Variants in FARS2 observed in about 807,000 individuals in gnomAD.
FARS2 encodes the protein phenylalanine--tRNA ligase, mitochondrial.
In FARS2, 40 loss-of-function variants were observed where a neutral mutation model predicts 46.4. That is an observed-to-expected ratio of 0.86 (90% CI 0.67 to 1.12). FARS2 has a LOEUF of 1.12. Among genes scored for constraint, FARS2 ranks in the 50% most tolerant of loss-of-function variants. FARS2 has a pLI of 0.00. For synonymous variants in FARS2, 234 were observed against 214.9 expected, an observed-to-expected ratio of 1.09 and a Z score of -0.78; for missense variants, 513 against 567.9, an observed-to-expected ratio of 0.90 and a Z score of 0.98.
intron 6 of FARS2, among the ~76,000 whole-genome samples, chr6:5,747,841 A>G (rs919781347): frequency 6.6e-6 from 1 of 152,180 alleles, no homozygotes; most frequent in African/African-American, 2.4e-5. Flanking sequence ...TGAGTTGTCA[A>G]CCCATTTTTT....
intron 1 of FARS2, among the ~76,000 whole-genome samples, chr6:5,297,631 A>G (rs1767985762): frequency 6.6e-6 from 1 of 151,134 alleles, no homozygotes; most frequent in Non-Finnish European, 1.5e-5. Context: ...CCGGGCAACA[A>G]GGGTGAAACT....
chr6:5,591,433 T>C (rs1194165617), intron 5 of FARS2, among the ~76,000 whole-genome samples: 1 of 152,228 alleles, frequency 6.6e-6, no homozygotes, highest in African/African-American at 2.4e-5. Flanking sequence ...TGTTGGATTC[T>C]GTGGGGAAGA....
At chr6:5,658,544 A>G (rs572219429) in intron 6 of FARS2, among the ~76,000 whole-genome samples, 27 of 152,300 alleles carry the variant, frequency 1.8e-4, no homozygotes, top group Admixed American at 4.6e-4. Flanking sequence ...CATAAACTAC[A>G]TTACATGTCT....
intron 5 of FARS2, among the ~76,000 whole-genome samples, chr6:5,567,738 A>T (rs1215655156): frequency 1.3e-5 from 2 of 152,238 alleles, no homozygotes; most frequent in Admixed American, 1.3e-4. Context: ...AGTCAAATCC[A>T]TCCCCAACAT....
intron 6 of FARS2, among the ~76,000 whole-genome samples, chr6:5,726,153 T>G (rs1484640531): frequency 6.6e-6 from 1 of 152,086 alleles, no homozygotes; most frequent in Non-Finnish European, 1.5e-5. Flanking sequence ...ACCTGGCTCT[T>G]TTTTTCTTTT....
chr6:5,352,237 G>T (rs969095073), intron 1 of FARS2, among the ~76,000 whole-genome samples: 6 of 150,692 alleles, frequency 4.0e-5, no homozygotes, highest in Non-Finnish European at 7.4e-5. Flanking sequence ...GAAGCCAAAA[G>T]ATTGGACACT....
chr6:5,561,138 A>AAAAC (rs1025151143), intron 5 of FARS2, among the ~76,000 whole-genome samples: 3 of 152,182 alleles, frequency 2.0e-5, no homozygotes, highest in Non-Finnish European at 2.9e-5. Context: ...CTCAAAAACA[A>AAAAC]AAACAAACAA....
intron 4 of FARS2, among the ~76,000 whole-genome samples, chr6:5,544,522 T>C (rs1417337228): frequency 6.6e-6 from 1 of 152,206 alleles, no homozygotes; most frequent in Non-Finnish European, 1.5e-5. Flanking sequence ...ACTGCCTCAG[T>C]TTGTGAAGTA....
At chr6:5,295,848 C>T (rs1017348702) in intron 1 of FARS2, among the ~76,000 whole-genome samples, 19 of 152,142 alleles carry the variant, frequency 1.2e-4, no homozygotes, top group African/African-American at 4.6e-4. Flanking sequence ...AATGTTTTGT[C>T]GCAGAAGGTA....
chr6:5,260,974 G>A (rs1765064587), upstream of FARS2: 1 of 1,224,548 alleles, frequency 8.2e-7, no homozygotes, highest in Non-Finnish European at 1.0e-6. Flanking sequence ...GGGCGGTGCT[G>A]GGAGGGAGAT....
At chr6:5,619,851 C>T (rs1378991511) in intron 6 of FARS2, among the ~76,000 whole-genome samples, 2 of 152,036 alleles carry the variant, frequency 1.3e-5, no homozygotes, top group Non-Finnish European at 2.9e-5. Flanking sequence ...CATTCATTTT[C>T]ACTTTGTCAA....
At chr6:5,771,260 G>A (rs373806299) in intron 6 of FARS2, 31 bp from the exon 7 acceptor site, 43 of 1,613,196 alleles carry the variant, frequency 2.7e-5, no homozygotes, top group African/African-American at 5.3e-5. Flanking sequence ...TGTTCATCCC[G>A]CACTCACCTG....
intron 6 of FARS2, among the ~76,000 whole-genome samples, chr6:5,731,251 C>T (rs1760605440): frequency 6.6e-6 from 1 of 152,072 alleles, no homozygotes; most frequent in African/African-American, 2.4e-5. Flanking sequence ...GAAGACAAGC[C>T]CCGCTCCTGT....
intron 1 of FARS2, among the ~76,000 whole-genome samples, chr6:5,362,913 AT>A (rs1758398132): frequency 7.4e-6 from 1 of 134,682 alleles, no homozygotes; most frequent in Non-Finnish European, 1.6e-5. Flanking sequence ...TCCTTTGCCC[AT>A]TTTTCTTTCT....
intron 6 of FARS2, among the ~76,000 whole-genome samples, chr6:5,746,636 A>AGGCTCT (rs1761659946): frequency 7.1e-6 from 1 of 141,670 alleles, no homozygotes; most frequent in Non-Finnish European, 1.5e-5. Flanking sequence ...GTCAGGAGAA[A>AGGCTCT]GCAGGGTGGA....
At chr6:5,366,269 G>A (rs1758670265) in intron 1 of FARS2, among the ~76,000 whole-genome samples, 2 of 152,160 alleles carry the variant, frequency 1.3e-5, no homozygotes, top group African/African-American at 4.8e-5. Flanking sequence ...AACTGTTGAA[G>A]GGATGAAATG....
intron 6 of FARS2, among the ~76,000 whole-genome samples, chr6:5,687,700 A>G (rs900258669): frequency 2.0e-5 from 3 of 152,174 alleles, no homozygotes; most frequent in African/African-American, 7.2e-5. Context: ...TTGGTTCCAT[A>G]TGAACTTTAA....
chr6:5,304,216 T>G (rs964935873), intron 1 of FARS2, among the ~76,000 whole-genome samples: 1 of 152,220 alleles, frequency 6.6e-6, no homozygotes, highest in African/African-American at 2.4e-5. Context: ...TTCAGTGGCT[T>G]TTCATAGTTG....
At chr6:5,263,309 A>G (rs954032679) in intron 1 of FARS2, among the ~76,000 whole-genome samples, 6 of 152,224 alleles carry the variant, frequency 3.9e-5, no homozygotes, top group African/African-American at 1.4e-4. Context: ...TAGTTTGGGT[A>G]GCTTAGTCCT....
Sources: gnomAD v4.1 joint callset for allele counts (sites outside exome capture counted in the v4.1 genomes callset) on GRCh38, gnomAD v4.1.1 for gene constraint, MANE v1.5 for transcripts, NCBI Gene and HGNC (gene_info 2026-07-23, HGNC 2026-07-21) for gene names.